The following ABLIM1 variants were observed in gnomAD, a reference collection of about 807,000 sequenced individuals.
The protein encoded by ABLIM1 is actin-binding LIM protein 1.
A neutral mutation model predicts 107.0 loss-of-function variants in ABLIM1; 40 were observed. The observed-to-expected ratio is 0.37, with a 90% CI of 0.29 to 0.49. The LOEUF is 0.49. ABLIM1 is among the 20% of genes least tolerant of loss of function. The pLI, the probability that ABLIM1 is intolerant of heterozygous loss-of-function variation, is 0.97. For synonymous variants in ABLIM1, 357 were observed against 357.3 expected (o/e 1.00, Z 0.01); for missense variants, 857 against 1,008.5 (o/e 0.85, Z 2.04).
At chr10:114,760,528 T>C (rs1424799252) in intron 1 of ABLIM1, among the ~76,000 whole-genome samples, 3 of 151,928 alleles carry the variant, frequency 2.0e-5, no homozygotes, top group African/African-American at 7.3e-5. Context: ...ATATATCAAA[T>C]GTATAAGAAT....
At chr10:114,716,545 C>T (rs570566078) in intron 1 of ABLIM1, among the ~76,000 whole-genome samples, 212 of 152,302 alleles carry the variant, frequency 1.4e-3, no homozygotes, top group African/African-American at 4.8e-3. Context: ...CCTGAACTTA[C>T]AACGGATGTT....
At chr10:114,598,217 C>T (rs1043449540) in intron 2 of ABLIM1, among the ~76,000 whole-genome samples, 6 of 135,158 alleles carry the variant, frequency 4.4e-5, no homozygotes, top group African/African-American at 1.4e-4. Context: ...GAGGTTGCAG[C>T]GAGCCAAGAT....
At chr10:114,491,069 T>C (rs1590356753) in intron 7 of ABLIM1, among the ~76,000 whole-genome samples, 1 of 148,966 alleles carries the variant, frequency 6.7e-6, no homozygotes, top group Non-Finnish European at 1.5e-5. Flanking sequence ...GAGGATTCCC[T>C]ATGTTGCCCA....
intron 8 of ABLIM1, among the ~76,000 whole-genome samples, chr10:114,487,069 C>G (rs1033732386): frequency 1.3e-5 from 2 of 152,196 alleles, no homozygotes; most frequent in Admixed American, 1.3e-4. Flanking sequence ...ACATCAGTGA[C>G]TAGACCCCAT....
chr10:114,629,249 T>G lies in ABLIM1; in HGVS notation c.245-27288A>C, dbSNP rs895841366. 6.6e-6 allele frequency among the ~76,000 whole-genome samples: 1 copy of G among 152,144 alleles called. No homozygotes were observed. The highest frequency in any genetic ancestry group is 1.5e-5 in the Non-Finnish European group (1 of 68,018). On this transcript the variant is annotated intron_variant, in intron 1 of 22. Transcript: ENST00000533213. The surrounding 1 kb of genome is among the most constrained non-coding windows in gnomAD (Gnocchi z 4.0). ...AACTATGAGGCAAGCCAGTGTGAGC[T>G]CTAAGTGGCAAGCACAACAGGGAGT... is the stretch of plus-strand genomic sequence containing the variant.
At chr10:114,441,588 C>A in intron 18 of ABLIM1, 134 bp downstream of exon 18, 2 of 735,320 alleles carry the variant, frequency 2.7e-6, no homozygotes, top group Non-Finnish European at 2.2e-6. Flanking sequence ...ACTAGGCAAC[C>A]AGGGAGGTTA....
chr10:114,782,177 A>C, the ABLIM1 span, among the ~76,000 whole-genome samples: 2 of 152,154 alleles, frequency 1.3e-5, no homozygotes, highest in East Asian at 3.8e-4. Context: ...AAAGTGAAAA[A>C]TAGTAGCAAA....
intron 6 of ABLIM1, among the ~76,000 whole-genome samples, chr10:114,521,557 C>T (rs2063738445): frequency 6.6e-6 from 1 of 152,146 alleles, no homozygotes; most frequent in African/African-American, 2.4e-5. Context: ...GGAGAAAATT[C>T]TCCAAGGCTA....
intron 1 of ABLIM1, among the ~76,000 whole-genome samples, chr10:114,690,985 GC>G (rs1380823625): frequency 6.6e-6 from 1 of 152,148 alleles, no homozygotes; most frequent in Non-Finnish European, 1.5e-5. Context: ...CCAGGCCCTG[GC>G]TAATATTTTT....
intron 11 of ABLIM1, 126 bp downstream of exon 11, chr10:114,468,055 T>G: frequency 1.2e-6 from 1 of 819,292 alleles, no homozygotes. Context: ...AAAGCCACCA[T>G]AACCCCACAT....
chr10:114,550,148 T>C (rs1367889294), intron 4 of ABLIM1, among the ~76,000 whole-genome samples: 1 of 152,088 alleles, frequency 6.6e-6, no homozygotes, highest in Admixed American at 6.5e-5. Context: ...CATATGAGTG[T>C]GTATTAGATG....
chr10:114,518,334 T>C (rs2063217193), intron 6 of ABLIM1, among the ~76,000 whole-genome samples: 1 of 152,082 alleles, frequency 6.6e-6, no homozygotes, highest in Admixed American at 6.5e-5. Context: ...TGTGAGCTTA[T>C]TGTAAATAAA....
intron 6 of ABLIM1, among the ~76,000 whole-genome samples, chr10:114,542,527 G>T (rs935110572): frequency 6.6e-6 from 1 of 151,404 alleles, no homozygotes; most frequent in African/African-American, 2.4e-5. Flanking sequence ...AAGGAAGAAA[G>T]GAAGAAGGAG....
chr10:114,635,970 C>T (rs564127832), intron 1 of ABLIM1, among the ~76,000 whole-genome samples: 64 of 152,338 alleles, frequency 4.2e-4, no homozygotes, highest in African/African-American at 1.3e-3. Context: ...ACACCTGCTG[C>T]GTGCCAGGTA....
chr10:114,663,607 C>A (rs755666245), intron 1 of ABLIM1, among the ~76,000 whole-genome samples: 3 of 152,320 alleles, frequency 2.0e-5, no homozygotes, highest in Admixed American at 6.5e-5. Flanking sequence ...AACTTCTATA[C>A]CACATATACA....
intron 1 of ABLIM1, among the ~76,000 whole-genome samples, chr10:114,706,144 G>A (rs1254115576): frequency 6.6e-6 from 1 of 152,182 alleles, no homozygotes; most frequent in Non-Finnish European, 1.5e-5. Flanking sequence ...AGTATCTGCT[G>A]TGTAAAAAAC....
At chr10:114,787,599 C>T in the ABLIM1 span, among the ~76,000 whole-genome samples, 3 of 147,280 alleles carry the variant, frequency 2.0e-5, no homozygotes, top group Admixed American at 2.0e-4. Context: ...GCCCCCCGCC[C>T]GGCCAGCCGC....
At chr10:114,657,380 C>T (rs1042201947) in intron 1 of ABLIM1, among the ~76,000 whole-genome samples, 3 of 152,210 alleles carry the variant, frequency 2.0e-5, no homozygotes, top group African/African-American at 7.2e-5. Context: ...ACTCTATCCT[C>T]AGAGTGGGCC....
rs370525308 is a variant in ABLIM1, at chr10:114,700,475, T to C, written c.-213+67586A>G. ...CATGAAAATGTAAAGGGCCTAGGATTGCCAAAAACAATTAAAACACACACA... is the reference window on the plus strand; with the variant it reads ...CATGAAAATGTAAAGGGCCTAGGATCGCCAAAAACAATTAAAACACACACA... On this transcript the variant is annotated intron_variant, in intron 1 of 15. Coordinates refer to the ABLIM1 transcript ENST00000651092. Among the ~76,000 whole-genome samples the C allele has an allele frequency of 4.0e-5, 6 of 149,146 alleles. No homozygotes were observed. The East Asian group carries it at 1.2e-3, about 29-fold the overall frequency.
Sources: gnomAD v4.1 joint callset for allele counts (sites outside exome capture counted in the v4.1 genomes callset) on GRCh38, gnomAD v4.1.1 for gene constraint, Gnocchi (gnomAD v3.1) non-coding constraint, MANE v1.5 for transcripts, NCBI Gene and HGNC (gene_info 2026-07-23, HGNC 2026-07-21) for gene names.